The following WDPCP variants were observed in gnomAD, a reference collection of about 807,000 sequenced individuals.
WDPCP encodes the protein WD repeat containing planar cell polarity effector.
A neutral mutation model predicts 93.1 loss-of-function variants in WDPCP; 71 were observed. The observed-to-expected ratio is 0.76, with a 90% CI of 0.63 to 0.93. The LOEUF (loss-of-function observed/expected upper bound fraction) is 0.93, where lower values mean the gene tolerates loss of function less well. Among genes scored for constraint, WDPCP ranks in the 40% least tolerant of loss-of-function variants. WDPCP has a pLI of 0.00. For missense variants in WDPCP, 844 were observed against 887.4 expected, an observed-to-expected ratio of 0.95 and a Z score of 0.62; for synonymous variants, 315 against 315.0, an observed-to-expected ratio of 1.00 and a Z score of 0.00.
At chr2:63,274,402 C>T (rs999851001) in intron 13 of WDPCP, among the ~76,000 whole-genome samples, 3 of 151,972 alleles carry the variant, frequency 2.0e-5, no homozygotes, top group Admixed American at 6.6e-5. Context: ...AATAAACTAC[C>T]TAACAATGCA....
At chr2:63,284,164 A>G (rs186979411) in intron 13 of WDPCP, among the ~76,000 whole-genome samples, 38 of 152,358 alleles carry the variant, frequency 2.5e-4, no homozygotes, top group Non-Finnish European at 4.6e-4. Flanking sequence ...GAAATTAATA[A>G]CAATAGCACA....
intron 15 of WDPCP, among the ~76,000 whole-genome samples, chr2:63,167,293 T>C (rs1673064374): frequency 6.6e-6 from 1 of 152,242 alleles, no homozygotes. Context: ...TTTCTGGTTT[T>C]ATCTTTATTA....
intron 17 of WDPCP, among the ~76,000 whole-genome samples, chr2:63,148,193 GA>G (rs1671655041): frequency 6.6e-6 from 1 of 151,990 alleles, no homozygotes; most frequent in African/African-American, 2.4e-5. Context: ...TGATTCCTGA[GA>G]GTTGATAAAA....
intron 2 of WDPCP, among the ~76,000 whole-genome samples, chr2:63,710,607 G>A (rs548761373): frequency 1.1e-4 from 17 of 152,208 alleles, no homozygotes; most frequent in African/African-American, 1.9e-4. Context: ...AATAATAAGC[G>A]TAGAAAATAC....
intron 6 of WDPCP, among the ~76,000 whole-genome samples, chr2:63,451,232 A>T (rs558637787): frequency 6.6e-6 from 1 of 152,192 alleles, no homozygotes; most frequent in South Asian, 2.1e-4. Flanking sequence ...TCAGTAATGA[A>T]CTAGACCAAG....
intron 12 of WDPCP, among the ~76,000 whole-genome samples, chr2:63,352,991 A>G (rs993453609): frequency 6.6e-6 from 1 of 151,790 alleles, no homozygotes; most frequent in Non-Finnish European, 1.5e-5. Flanking sequence ...ATGGTTGTAT[A>G]CTCACATTGG....
At chr2:63,474,587 T>G (rs558898251) in intron 6 of WDPCP, among the ~76,000 whole-genome samples, 14 of 152,242 alleles carry the variant, frequency 9.2e-5, no homozygotes, top group African/African-American at 3.4e-4. Flanking sequence ...CTCACTGCTA[T>G]TTTAATTTGT....
At chr2:63,794,452 T>A (rs1174362889) in intron 2 of WDPCP, among the ~76,000 whole-genome samples, 1 of 152,350 alleles carries the variant, frequency 6.6e-6, no homozygotes, top group Non-Finnish European at 1.5e-5. Context: ...TCTAGGCCAA[T>A]GAGCCATGTC....
At chr2:63,554,446 G>C (rs1215561911) in intron 1 of WDPCP, among the ~76,000 whole-genome samples, 1 of 152,098 alleles carries the variant, frequency 6.6e-6, no homozygotes, top group Admixed American at 6.6e-5. Flanking sequence ...GAGGTCAGGA[G>C]TTCGAGACCA....
intron 2 of WDPCP, among the ~76,000 whole-genome samples, chr2:63,724,748 T>C (rs1354522260): frequency 6.6e-6 from 1 of 152,216 alleles, no homozygotes; most frequent in African/African-American, 2.4e-5. Context: ...TAGAAAGCTC[T>C]GAAACTGTAA....
intron 12 of WDPCP, among the ~76,000 whole-genome samples, chr2:63,367,234 A>C (rs1177418373): frequency 6.6e-6 from 1 of 152,028 alleles, no homozygotes; most frequent in Admixed American, 6.6e-5. Flanking sequence ...AAAAGTAAGA[A>C]TCTCATACAT....
intron 12 of WDPCP, among the ~76,000 whole-genome samples, chr2:63,326,703 A>G (rs1687580372): frequency 7.1e-6 from 1 of 140,180 alleles, no homozygotes. Flanking sequence ...AGAGAAGGAG[A>G]CAGACAGAAA....
intron 1 of WDPCP, among the ~76,000 whole-genome samples, chr2:63,504,975 A>T (rs1421738060): frequency 6.6e-6 from 1 of 152,050 alleles, no homozygotes; most frequent in Non-Finnish European, 1.5e-5. Context: ...TTGGTCAATA[A>T]ATTAAGGTCT....
Position 63,575,378 on chromosome 2 carries a change from A to ACG in WDPCP, c.75+12818_75+12819insCG, listed in dbSNP as rs71398616. Among the ~76,000 whole-genome samples the ACG allele has an allele frequency of 1.8e-3, 227 of 126,628 alleles. 9 individuals are homozygous for ACG. Among genetic ancestry groups the ACG allele is most frequent in the Non-Finnish European group, 2.8e-3 (163 of 58,200 alleles). 83.1% of individuals were successfully genotyped at this position (126,628 alleles called of 152,430 possible). A position where few individuals can be genotyped will look rare whatever the true frequency, so the allele number is the denominator to read the frequency against. ...TATATACAGTATATACAGTATATAC[A>ACG]GTATATACACGGTATATACAGTATA... On this transcript the variant is annotated intron_variant, in intron 1 of 17. Coordinates refer to ENST00000272321, the MANE Select transcript of WDPCP (RefSeq NM_015910.7).
chr2:63,584,541 T>C (rs1244176363), intron 1 of WDPCP, among the ~76,000 whole-genome samples: 1 of 151,688 alleles, frequency 6.6e-6, no homozygotes, highest in Admixed American at 6.6e-5. Flanking sequence ...AATGAATCCA[T>C]GTTGGTGTGT....
intron 2 of WDPCP, among the ~76,000 whole-genome samples, chr2:63,774,071 T>C (rs143099152): frequency 9.7e-4 from 147 of 152,240 alleles, no homozygotes; most frequent in Admixed American, 1.9e-3. Flanking sequence ...AAAGACCTCC[T>C]ACTCTAAGAA....
chr2:63,504,864 A>G (rs1158964925), intron 1 of WDPCP, among the ~76,000 whole-genome samples: 2 of 152,084 alleles, frequency 1.3e-5, no homozygotes, highest in Non-Finnish European at 2.9e-5. Flanking sequence ...ATTAAATTTG[A>G]TATTTCTTAT....
intron 1 of WDPCP, among the ~76,000 whole-genome samples, chr2:63,520,827 G>A (rs920188269): frequency 6.6e-6 from 1 of 151,110 alleles, no homozygotes; most frequent in Non-Finnish European, 1.5e-5. Flanking sequence ...GCCTGGGGAG[G>A]TCAAAGCTGC....
chr2:63,668,341 G>T (rs960164559), intron 2 of WDPCP, among the ~76,000 whole-genome samples: 2 of 152,156 alleles, frequency 1.3e-5, no homozygotes, highest in Non-Finnish European at 2.9e-5. Flanking sequence ...CAACAAAAAA[G>T]ATTCTCTCCA....
Sources: gnomAD v4.1 joint callset for allele counts (sites outside exome capture counted in the v4.1 genomes callset) on GRCh38, gnomAD v4.1.1 for gene constraint, MANE v1.5 for transcripts, NCBI Gene and HGNC (gene_info 2026-07-23, HGNC 2026-07-21) for gene names.